The following SETD1B variants were observed in gnomAD, a reference collection of about 807,000 sequenced individuals.
SETD1B encodes the protein SET domain containing 1B, histone lysine methyltransferase.
A neutral mutation model predicts 148.0 loss-of-function variants in SETD1B; 7 were observed. That is an observed-to-expected ratio of 0.05 (90% CI 0.03 to 0.09). SETD1B has a LOEUF of 0.09. SETD1B is among the 10% of genes least tolerant of loss of function. The pLI, the probability that SETD1B is intolerant of heterozygous loss-of-function variation, is 1.00. For synonymous variants in SETD1B, 1,361 were observed against 1,186.5 expected (o/e 1.15, Z -3.02); for missense variants, 2,155 against 2,729.9 (o/e 0.79, Z 4.69).
At chr12:121,793,697 C>T in the SETD1B span, 21 of 1,369,630 alleles carry the variant, frequency 1.5e-5, no homozygotes, top group Non-Finnish European at 2.0e-5. Context: ...AGGTCGGGGG[C>T]GGGGCGGGGC....
At chr12:121,826,372 G>T (rs1472943132) in intron 13 of SETD1B, among the ~76,000 whole-genome samples, 1 of 152,222 alleles carries the variant, frequency 6.6e-6, no homozygotes, top group Non-Finnish European at 1.5e-5. Context: ...AGTGTGGGAA[G>T]GCGCCATGTG....
rs566724467 is a variant in SETD1B, at chr12:121,827,508, G to A, written c.5338-11G>A. 19 of 1,529,926 alleles carry A rather than the reference G, an allele frequency of 1.2e-5. No homozygotes were observed. Among genetic ancestry groups the A allele is most frequent in the Middle Eastern group, 1.7e-4 (1 of 5,906 alleles). 94.8% of individuals were successfully genotyped at this position (1,529,926 alleles called of 1,614,324 possible). A position where few individuals can be genotyped will look rare whatever the true frequency, so the allele number is the denominator to read the frequency against. On this transcript the variant is annotated splice_polypyrimidine_tract_variant and intron_variant, in intron 13 of 16. Coordinates refer to ENST00000604567, the MANE Select transcript of SETD1B (RefSeq NM_001353345.2). ...CCAGCTCCGCTGAGCCCCGCACACC[G>A]TCCACTGCAGGGCATGAGCATCCCA... is the stretch of plus-strand genomic sequence containing the variant.
At chr12:121,797,353 G>T in the SETD1B span, 1 of 430,776 alleles carries the variant, frequency 2.3e-6, no homozygotes, top group Non-Finnish European at 4.7e-6. Flanking sequence ...CCCAGCGCCA[G>T]CAGCGGCCCC....
chr12:121,805,973 C>T lies in SETD1B; in HGVS notation c.412C>T (p.Pro138Ser), dbSNP rs1454345800. 1 of 1,551,608 alleles carries T rather than the reference C, an allele frequency of 6.4e-7. No homozygotes were observed. Among genetic ancestry groups the T allele is most frequent in the Admixed American group, 2.0e-5 (1 of 51,000 alleles). The change falls in exon 4 of 17, where the codon CCC (proline) becomes TCC (serine). Residue 138 changes from proline (P) to serine (S), a missense_variant. Coordinates refer to ENST00000604567, the MANE Select transcript of SETD1B (RefSeq NM_001353345.2). This position sits in a 1 kb window ranked among gnomAD's most constrained non-coding sequence, Gnocchi z 4.2. Reference protein sequence around the residue: ...EVEEVEILYNPKTKKHLGIAK... With the variant: ...EVEEVEILYNSKTKKHLGIAK... Reference sequence around the variant, plus strand: ...GGAGGAGGTGGAGATTTTGTACAACCCCAAGACCAAGAAGCACCTGGGCAT... The same window carrying T: ...GGAGGAGGTGGAGATTTTGTACAACTCCAAGACCAAGAAGCACCTGGGCAT...
upstream of SETD1B, chr12:121,801,945 A>C (rs1875387017): frequency 6.6e-6 from 1 of 152,184 alleles, no homozygotes; most frequent in Non-Finnish European, 1.5e-5. Context: ...TGTTTGCTGG[A>C]ACCAGCTAGG....
the SETD1B span, chr12:121,793,115 C>T: frequency 2.6e-6 from 4 of 1,522,688 alleles, no homozygotes; most frequent in Non-Finnish European, 3.6e-6. Flanking sequence ...TTCGGGCGGG[C>T]GGACCCTCGG....
At chr12:121,806,337 C>T (rs1875739782) in intron 4 of SETD1B, among the ~76,000 whole-genome samples, 1 of 152,072 alleles carries the variant, frequency 6.6e-6, no homozygotes, top group African/African-American at 2.4e-5. Context: ...CCACCGCACC[C>T]CTAGGGACCA....
In SETD1B at chr12:121,823,584, T is replaced by C; in HGVS notation, c.5005T>C (p.Phe1669Leu). 1 of 1,551,482 alleles carries C rather than the reference T, an allele frequency of 6.4e-7. No homozygotes were observed. The highest frequency in any genetic ancestry group is 8.7e-7 in the Non-Finnish European group (1 of 1,146,964). Residue 1669 changes from phenylalanine to leucine, a missense_variant, in exon 12 of 17, where the codon TTC (phenylalanine) becomes CTC (leucine). Physicochemically the swap from Phe to Leu is conservative, Grantham distance 22 (BLOSUM62 0). Around this residue, in one of 11 missense-constraint regions of SETD1B, gnomAD observed 862 missense variants for 873.8 expected, o/e 0.99. Transcript: ENST00000604567. ...CGAACTCTCGCCACCCCAGCCCCTC[T>C]TCCGGCCCCGCTCGGAGTTTGAGGA... Reference protein sequence around the residue: ...SPELSPPQPLFRPRSEFEEMT... With the variant: ...SPELSPPQPLLRPRSEFEEMT...
intron 13 of SETD1B, among the ~76,000 whole-genome samples, chr12:121,826,957 C>G (rs1052887446): frequency 4.0e-5 from 6 of 151,806 alleles, no homozygotes; most frequent in Non-Finnish European, 8.8e-5. Context: ...AACACCCAGG[C>G]AGAGAGGTCT....
upstream of SETD1B, chr12:121,799,588 C>T (rs1329966616): frequency 1.3e-5 from 2 of 152,328 alleles, no homozygotes; most frequent in South Asian, 2.1e-4. Flanking sequence ...GAAATACTTG[C>T]AAGTGGATCC....
At chr12:121,799,728 G>GGT (rs1566540751), upstream of SETD1B, 10 of 110,006 alleles carry the variant, frequency 9.1e-5, no homozygotes, top group African/African-American at 1.7e-4. Context: ...GGGGGGGGGG[G>GGT]GGTGGGGTGG....
rs1369623399 is a variant in SETD1B, at chr12:121,808,997, G to A, written c.658-606G>A. Among the ~76,000 whole-genome samples, 2 of 152,284 alleles carry A rather than the reference G, an allele frequency of 1.3e-5. No homozygotes were observed. Among genetic ancestry groups the A allele is most frequent in the Non-Finnish European group, 1.5e-5 (1 of 68,010 alleles). Reference sequence around the variant, plus strand: ...TGATTCTCTTGCCTCAGCCTCCTGAGTAGCTGGGATTACAGGCACACGCCA... The same window carrying A: ...TGATTCTCTTGCCTCAGCCTCCTGAATAGCTGGGATTACAGGCACACGCCA... On this transcript the variant is annotated intron_variant, in intron 5 of 16. Transcript: ENST00000604567. The surrounding 1 kb of genome is among the most constrained non-coding windows in gnomAD (Gnocchi z 5.3).
At position 121,830,194 on chromosome 12, in the gene SETD1B, C is replaced by T. The variant is rs537320693; in HGVS notation, c.5856C>T (p.Ile1952=). Residue 1952 remains isoleucine, a synonymous_variant, in exon 17 of 17, where the codon ATC becomes ATT. Transcript: ENST00000604567. This position sits in a 1 kb window ranked among gnomAD's most constrained non-coding sequence, Gnocchi z 5.7. The part of the protein sequence containing the change: ...DYKFPIEDVK[I]PCLCGSENCR... ...AGTTCCCCATCGAGGACGTCAAGATCCCCTGCCTCTGTGGCTCCGAGAACT... is the reference window on the plus strand; with the variant it reads ...AGTTCCCCATCGAGGACGTCAAGATTCCCTGCCTCTGTGGCTCCGAGAACT... 1.9e-5 allele frequency: 29 copies of T among 1,551,466 alleles called. No homozygotes were observed. In the South Asian group the frequency reaches 2.6e-4, roughly 14 times the overall value.
At position 121,823,692 on chromosome 12, in the gene SETD1B, C is replaced by T. The variant is rs1444899723; in HGVS notation, c.5113C>T (p.Leu1705=). 4.5e-6 allele frequency: 7 copies of T among 1,551,498 alleles called. No individual in the cohort carries two copies. The highest frequency in any genetic ancestry group is 1.4e-5 in the African/African-American group (1 of 73,040). The change falls in exon 12 of 17, where the codon CTA becomes TTA. Residue 1705 remains leucine, a synonymous_variant. Coordinates refer to ENST00000604567, the MANE Select transcript of SETD1B (RefSeq NM_001353345.2). Reference sequence around the variant, plus strand: ...CCTGTGTGTCACCTACGAGCGACTGCTACAGCAGGACAATGGCATGGACTG... The same window carrying T: ...CCTGTGTGTCACCTACGAGCGACTGTTACAGCAGGACAATGGCATGGACTG... ...RFLCVTYERL[L]QQDNGMDWLN...
chr12:121,825,104 G>A, intron 12 of SETD1B, 96 bp from the exon 13 acceptor site: 1 of 1,297,298 alleles, frequency 7.7e-7, no homozygotes, highest in Non-Finnish European at 1.1e-6. Flanking sequence ...GGACATCGCT[G>A]TCCCTGAAGG....
At chr12:121,825,141 C>T (rs1876777056) in intron 12 of SETD1B, 59 bp from the exon 13 acceptor site, 2 of 1,516,026 alleles carry the variant, frequency 1.3e-6, no homozygotes, top group Non-Finnish European at 1.8e-6. Flanking sequence ...CGGGACCAGT[C>T]TATGAAGGGA....
chr12:121,827,137 G>T (rs532303455), intron 13 of SETD1B, among the ~76,000 whole-genome samples: 1 of 152,106 alleles, frequency 6.6e-6, no homozygotes, highest in Non-Finnish European at 1.5e-5. Context: ...AATGGCTGGG[G>T]CAGAGGCCCA....
chr12:121,804,576 T>A lies in SETD1B; in HGVS notation c.-14-148T>A. 1 of 614,914 alleles carries A rather than the reference T, an allele frequency of 1.6e-6. No individual in the cohort carries two copies. The highest frequency in any genetic ancestry group is 2.7e-6 in the Non-Finnish European group (1 of 370,082). 38.1% of individuals were successfully genotyped at this position (614,914 alleles called of 1,614,324 possible). On this transcript the variant is annotated intron_variant, in intron 1 of 16. Coordinates refer to ENST00000604567, the MANE Select transcript of SETD1B (RefSeq NM_001353345.2). The surrounding 1 kb of genome is among the most constrained non-coding windows in gnomAD (Gnocchi z 4.6). ...TTATTCTCTCGCTCCATTCTTGTTT[T>A]GGGGGGAGCCAGCGAGACAGCTCCT...
intron 13 of SETD1B, 87 bp from the exon 14 acceptor site, chr12:121,827,432 A>G (rs1486292382): frequency 1.4e-6 from 2 of 1,431,454 alleles, no homozygotes; most frequent in Admixed American, 5.3e-5. Flanking sequence ...AGCCCAGGAC[A>G]CTGGGGATGA....
Sources: gnomAD v4.1 joint callset for allele counts (sites outside exome capture counted in the v4.1 genomes callset) on GRCh38, gnomAD v4.1.1 for gene constraint, gnomAD v4.1.1 regional missense constraint, Gnocchi (gnomAD v3.1) non-coding constraint, MANE v1.5 for transcripts, NCBI Gene and HGNC (gene_info 2026-07-23, HGNC 2026-07-21) for gene names.